Variants in DLGAP2 observed in about 807,000 individuals in gnomAD.
DLGAP2 encodes the protein disks large-associated protein 2.
Under a neutral mutation model 100.3 loss-of-function variants are expected in DLGAP2, and 26 were observed. The observed-to-expected ratio is 0.26, with a 90% CI of 0.19 to 0.36. The LOEUF (loss-of-function observed/expected upper bound fraction) is 0.36, where lower values mean the gene tolerates loss of function less well. Ranked by LOEUF, DLGAP2 falls within the 10% of genes least tolerant of loss-of-function variation. The pLI, the probability that DLGAP2 is intolerant of heterozygous loss-of-function variation, is 1.00. For missense variants in DLGAP2, 1,858 were observed against 1,453.2 expected (o/e 1.28, Z -4.53); for synonymous variants, 886 against 630.1 (o/e 1.41, Z -6.08).
intron 2 of DLGAP2, among the ~76,000 whole-genome samples, chr8:1,152,545 T>G (rs778336544): frequency 1.1e-4 from 17 of 152,152 alleles, no homozygotes; most frequent in Non-Finnish European, 2.4e-4. Context: ...TTGTATGACT[T>G]AAAAAGTGCA....
intron 3 of DLGAP2, among the ~76,000 whole-genome samples, chr8:1,443,758 C>CT (rs1797905204): frequency 1.3e-5 from 2 of 152,054 alleles, no homozygotes; most frequent in South Asian, 4.2e-4. Flanking sequence ...GGAAACTGCC[C>CT]TCGTGATTCA....
rs571811009 is a variant in DLGAP2, at chr8:1,465,222, C to T, written c.107-36144C>T. 2.0e-5 allele frequency among the ~76,000 whole-genome samples: 3 copies of T among 152,348 alleles called. No individual in the cohort carries two copies. In the South Asian group the frequency reaches 6.2e-4, roughly 32 times the overall value. The stretch of plus-strand genomic sequence containing the variant: ...AGTGGTAAACCGAGGCTCCTGCAAG[C>T]CCCCCACACGTGGGTTCCATTCATT... On this transcript the variant is annotated intron_variant, in intron 3 of 14. Coordinates refer to ENST00000637795, the MANE Select transcript of DLGAP2 (RefSeq NM_001346810.2).
intron 2 of DLGAP2, among the ~76,000 whole-genome samples, chr8:1,063,221 C>T (rs1220308958): frequency 6.6e-6 from 1 of 152,234 alleles, no homozygotes; most frequent in Non-Finnish European, 1.5e-5. Flanking sequence ...ACAACCTCTT[C>T]AAAAGCAGAG....
At chr8:1,076,606 G>A (rs1052105152) in intron 2 of DLGAP2, among the ~76,000 whole-genome samples, 3 of 152,232 alleles carry the variant, frequency 2.0e-5, no homozygotes, top group Non-Finnish European at 2.9e-5. Flanking sequence ...TGTGAATGAC[G>A]TTAGAAACTT....
chr8:1,178,526 C>G (rs755420088), intron 2 of DLGAP2, among the ~76,000 whole-genome samples: 6 of 152,284 alleles, frequency 3.9e-5, no homozygotes, highest in African/African-American at 1.4e-4. Context: ...AAACACAGCA[C>G]TTGGTTTCAA....
At chr8:1,450,803 C>G (rs1584917118) in intron 3 of DLGAP2, among the ~76,000 whole-genome samples, 2 of 152,048 alleles carry the variant, frequency 1.3e-5, no homozygotes, top group South Asian at 4.2e-4. Flanking sequence ...CAGAAAAGTA[C>G]TATTTGGGCA....
chr8:899,069 C>G (rs377106904), intron 1 of DLGAP2, among the ~76,000 whole-genome samples: 1 of 152,228 alleles, frequency 6.6e-6, no homozygotes, highest in African/African-American at 2.4e-5. Flanking sequence ...AGATAACAAC[C>G]GTTGACTGAT....
rs142190465 is a variant in DLGAP2, at chr8:1,183,494, G to T, written c.74-75357G>T. On this transcript the variant is annotated intron_variant, in intron 2 of 14. Coordinates refer to ENST00000637795, the MANE Select transcript of DLGAP2 (RefSeq NM_001346810.2). Reference sequence around the variant, plus strand: ...TGCAAATGTTTACTTGTCAGGAAGGGTTCCAAGCCCTGGAAATATCCTTAC... The same window carrying T: ...TGCAAATGTTTACTTGTCAGGAAGGTTTCCAAGCCCTGGAAATATCCTTAC... Among the ~76,000 whole-genome samples the T allele has an allele frequency of 6.7e-3, 1,018 of 152,318 alleles. 5 individuals are homozygous for T. Among genetic ancestry groups the T allele is most frequent in the African/African-American group, 0.024 (978 of 41,564 alleles).
chr8:1,338,422 G>A (rs533464087), intron 3 of DLGAP2, among the ~76,000 whole-genome samples: 3 of 152,222 alleles, frequency 2.0e-5, no homozygotes. Flanking sequence ...CTATTTATAT[G>A]AAATGTCCAG....
chr8:1,107,368 G>C (rs960145238), intron 2 of DLGAP2, among the ~76,000 whole-genome samples: 2 of 152,152 alleles, frequency 1.3e-5, no homozygotes, highest in Non-Finnish European at 2.9e-5. Context: ...CCCCGCACCC[G>C]GGCCTGCCTA....
chr8:1,523,650 A>G (rs1012121601), intron 4 of DLGAP2, among the ~76,000 whole-genome samples: 1 of 152,188 alleles, frequency 6.6e-6, no homozygotes, highest in Admixed American at 6.5e-5. Flanking sequence ...GTCCATAAAC[A>G]TACCCCGAGG....
chr8:1,502,164 G>A (rs1160036597), intron 4 of DLGAP2, among the ~76,000 whole-genome samples: 1 of 152,206 alleles, frequency 6.6e-6, no homozygotes. Context: ...TAACCTAAAA[G>A]AGGTTTGTTG....
At chr8:912,854 G>A (rs1337688192) in intron 2 of DLGAP2, among the ~76,000 whole-genome samples, 5 of 147,794 alleles carry the variant, frequency 3.4e-5, no homozygotes, top group South Asian at 2.2e-4. Context: ...GCTGACCCCC[G>A]CACCACGGTG....
intron 2 of DLGAP2, among the ~76,000 whole-genome samples, chr8:1,202,749 A>G (rs933920244): frequency 3.3e-5 from 5 of 152,118 alleles, no homozygotes; most frequent in Non-Finnish European, 5.9e-5. Context: ...CCTGTGTGAG[A>G]TCCAGAGGCC....
At chr8:1,038,701 C>T (rs1802203505) in intron 2 of DLGAP2, among the ~76,000 whole-genome samples, 1 of 152,162 alleles carries the variant, frequency 6.6e-6, no homozygotes, top group Non-Finnish European at 1.5e-5. Flanking sequence ...GAATTTGAAC[C>T]TTGAAAGGAA....
At chr8:1,139,974 G>A (rs1796493399) in intron 2 of DLGAP2, among the ~76,000 whole-genome samples, 1 of 152,176 alleles carries the variant, frequency 6.6e-6, no homozygotes, top group Non-Finnish European at 1.5e-5. Flanking sequence ...TCTGGGGCCT[G>A]AGCCAGCCTT....
At chr8:1,639,154 G>A (rs771844707) in intron 8 of DLGAP2, among the ~76,000 whole-genome samples, 8 of 151,940 alleles carry the variant, frequency 5.3e-5, no homozygotes, top group Non-Finnish European at 1.0e-4. Flanking sequence ...TGTGGAGGTC[G>A]AGGCTGGAGG....
intron 2 of DLGAP2, among the ~76,000 whole-genome samples, chr8:1,061,748 C>T (rs372699455): frequency 8.5e-5 from 13 of 152,054 alleles, no homozygotes; most frequent in East Asian, 7.8e-4. Context: ...TCTCCCTCCC[C>T]GGTGAGGACT....
At chr8:1,379,408 A>C (rs1186095550) in intron 3 of DLGAP2, among the ~76,000 whole-genome samples, 1 of 152,220 alleles carries the variant, frequency 6.6e-6, no homozygotes, top group Non-Finnish European at 1.5e-5. Context: ...AGGTGGAGAA[A>C]CGGGCAGGGA....
Sources: allele counts gnomAD v4.1 joint callset (sites outside exome capture counted in the v4.1 genomes callset), GRCh38; gene constraint gnomAD v4.1.1; transcripts MANE v1.5; gene names NCBI Gene and HGNC (gene_info 2026-07-23, HGNC 2026-07-21).